Variants in ZHX2 observed in about 807,000 individuals in gnomAD.
ZHX2 encodes zinc fingers and homeoboxes 2, also known as zinc fingers and homeoboxes protein 2.
In ZHX2, 6 loss-of-function variants were observed where a neutral mutation model predicts 21.9. The ratio of observed to expected loss-of-function variants is 0.27; its 90% CI spans 0.15 to 0.54. ZHX2 has a LOEUF of 0.54. Among genes scored for constraint, ZHX2 ranks in the 20% least tolerant of loss-of-function variants. The probability of loss-of-function intolerance (pLI) is 0.95; values close to 1 mark genes in which losing one functional copy is unlikely to be tolerated. For missense variants in ZHX2, 908 were observed against 1,090.7 expected, an observed-to-expected ratio of 0.83 and a Z score of 2.36; for synonymous variants, 434 against 437.1, an observed-to-expected ratio of 0.99 and a Z score of 0.09.
rs932165860 is a variant in ZHX2, at chr8:122,941,166, G to C, written c.-219-10126G>C. 3.3e-5 allele frequency among the ~76,000 whole-genome samples: 5 copies of C among 151,986 alleles called. No homozygotes were observed. The East Asian group carries it at 7.7e-4, about 23-fold the overall frequency. The stretch of plus-strand genomic sequence containing the variant: ...GGAGGCTGAGGTGGGAGGATCACTT[G>C]AACCCAGGAGTTGAGGTTGCAGTGA... On this transcript the variant is annotated intron_variant, in intron 2 of 3. Coordinates refer to ENST00000314393, the MANE Select transcript of ZHX2 (RefSeq NM_014943.5).
chr8:122,920,823 C>T (rs929867518), intron 2 of ZHX2, among the ~76,000 whole-genome samples: 5 of 152,298 alleles, frequency 3.3e-5, no homozygotes, highest in Admixed American at 3.3e-4. Context: ...AAGTCACCCA[C>T]GAGAGGAGGT....
At chr8:122,878,991 G>A (rs1266619035) in intron 2 of ZHX2, among the ~76,000 whole-genome samples, 9 of 152,092 alleles carry the variant, frequency 5.9e-5, no homozygotes. Context: ...CCCATCATTA[G>A]AGGAATGGGG....
intron 1 of ZHX2, among the ~76,000 whole-genome samples, chr8:122,788,246 G>A (rs1178407336): frequency 3.9e-5 from 6 of 152,208 alleles, no homozygotes; most frequent in Non-Finnish European, 7.3e-5. Context: ...GAGAGTGGCA[G>A]TGTAATTCCA....
chr8:122,788,012 C>T (rs1817433592), intron 1 of ZHX2, among the ~76,000 whole-genome samples: 1 of 152,192 alleles, frequency 6.6e-6, no homozygotes. Flanking sequence ...TCATCCCCCA[C>T]AGCCTGGTTC....
At chr8:122,893,499 A>T (rs1586366707) in intron 2 of ZHX2, among the ~76,000 whole-genome samples, 1 of 151,844 alleles carries the variant, frequency 6.6e-6, no homozygotes, top group Admixed American at 6.6e-5. Flanking sequence ...GGCTTTTTTC[A>T]TACTTTTTTT....
chr8:122,899,680 C>T (rs1352783312), intron 2 of ZHX2, among the ~76,000 whole-genome samples: 2 of 152,158 alleles, frequency 1.3e-5, no homozygotes, highest in East Asian at 3.9e-4. Context: ...CCTCCTAACC[C>T]AATTCCACAG....
intron 2 of ZHX2, among the ~76,000 whole-genome samples, chr8:122,912,788 C>T (rs571063851): frequency 1.4e-4 from 21 of 151,904 alleles, no homozygotes; most frequent in African/African-American, 4.8e-4. Flanking sequence ...CACTGAGGGG[C>T]AAAGCAAAGG....
intron 2 of ZHX2, among the ~76,000 whole-genome samples, chr8:122,936,576 AG>A (rs1320798395): frequency 6.6e-6 from 1 of 152,224 alleles, no homozygotes; most frequent in Non-Finnish European, 1.5e-5. Context: ...GGCAGCGAGG[AG>A]GCTGGCCTGA....
intron 1 of ZHX2, among the ~76,000 whole-genome samples, chr8:122,784,977 GGA>G (rs1817364400): frequency 6.6e-6 from 1 of 152,244 alleles, no homozygotes; most frequent in Admixed American, 6.5e-5. Context: ...CAGACATTAT[GGA>G]GATGCTGGTG....
intron 2 of ZHX2, among the ~76,000 whole-genome samples, chr8:122,913,916 A>G (rs562900085): frequency 1.1e-4 from 16 of 152,290 alleles, no homozygotes; most frequent in African/African-American, 1.9e-4. Flanking sequence ...CCATCCTATA[A>G]CAATGGCCTT....
chr8:122,833,056 G>A (rs951395353), intron 1 of ZHX2, among the ~76,000 whole-genome samples: 1 of 152,178 alleles, frequency 6.6e-6, no homozygotes, highest in African/African-American at 2.4e-5. Flanking sequence ...GTGAGCCGAC[G>A]TGAAATGTGG....
intron 1 of ZHX2, among the ~76,000 whole-genome samples, chr8:122,843,980 C>T (rs1040817735): frequency 3.3e-5 from 5 of 152,206 alleles, no homozygotes; most frequent in South Asian, 2.1e-4. Flanking sequence ...CACACACACA[C>T]ACACACACAC....
At chr8:122,848,814 G>A (rs111963327) in intron 1 of ZHX2, among the ~76,000 whole-genome samples, 10 of 152,354 alleles carry the variant, frequency 6.6e-5, no homozygotes, top group East Asian at 1.9e-4. Context: ...GCATTCCTCC[G>A]ATCTCGGTCC....
At chr8:122,806,383 G>A (rs1404275219) in intron 1 of ZHX2, among the ~76,000 whole-genome samples, 1 of 152,176 alleles carries the variant, frequency 6.6e-6, no homozygotes, top group East Asian at 1.9e-4. Context: ...CCTGAGAGCT[G>A]AGAAAGTCAT....
At chr8:122,907,390 G>A (rs1001978605) in intron 2 of ZHX2, among the ~76,000 whole-genome samples, 1 of 152,146 alleles carries the variant, frequency 6.6e-6, no homozygotes, top group East Asian at 1.9e-4. Flanking sequence ...CCACAGATAG[G>A]TGAGACACAA....
At position 122,909,735 on chromosome 8, in the gene ZHX2, C is replaced by T. The variant is rs147543197; in HGVS notation, c.-219-41557C>T. 4.6e-5 allele frequency among the ~76,000 whole-genome samples: 7 copies of T among 152,292 alleles called. No homozygotes were observed. In the East Asian group the frequency reaches 1.4e-3, roughly 30 times the overall value. On this transcript the variant is annotated intron_variant, in intron 2 of 3. Transcript: ENST00000314393. Reference sequence around the variant, plus strand: ...GGAGTGATCCTGATCTTCTGCACTCCATCCCCACTGCTGCTGTCCTGTGGG... The same window carrying T: ...GGAGTGATCCTGATCTTCTGCACTCTATCCCCACTGCTGCTGTCCTGTGGG...
chr8:122,850,011 C>G (rs1818850686), intron 1 of ZHX2, among the ~76,000 whole-genome samples: 1 of 152,188 alleles, frequency 6.6e-6, no homozygotes. Context: ...CTTAACACGT[C>G]TAAAATTAAC....
intron 2 of ZHX2, among the ~76,000 whole-genome samples, chr8:122,918,301 A>G (rs1283113791): frequency 1.3e-5 from 2 of 152,216 alleles, no homozygotes; most frequent in African/African-American, 4.8e-5. Context: ...CAGGCACTGC[A>G]ATAGGCCTTG....
Position 122,953,052 on chromosome 8 carries a change from G to T in ZHX2, c.1542G>T (p.Ala514=). 6.2e-7 allele frequency: 1 copy of T among 1,614,000 alleles called. No individual in the cohort carries two copies. Among genetic ancestry groups the T allele is most frequent in the Non-Finnish European group, 8.5e-7 (1 of 1,180,022 alleles). The part of the protein sequence containing the change: ...ESLAKDQLAI[A]ASRHGRTYHA... ...TTGCCAAAGACCAGTTGGCCATCGC[G>T]GCCTCCCGACACGGTCGCACGTATC... The change falls in exon 3 of 4, where the codon GCG becomes GCT. Residue 514 remains alanine, a synonymous_variant. Transcript: ENST00000314393. This position sits in a 1 kb window ranked among gnomAD's most constrained non-coding sequence, Gnocchi z 4.6.
Sources: gnomAD v4.1 joint callset for allele counts (sites outside exome capture counted in the v4.1 genomes callset) on GRCh38, gnomAD v4.1.1 for gene constraint, Gnocchi (gnomAD v3.1) non-coding constraint, MANE v1.5 for transcripts, NCBI Gene and HGNC (gene_info 2026-07-23, HGNC 2026-07-21) for gene names.